RC3H2: variants seen among roughly 807,000 people sequenced by gnomAD.
RC3H2 encodes the protein ring finger and CCCH-type domains 2, also known as roquin-2.
A neutral mutation model predicts 133.3 loss-of-function variants in RC3H2; 31 were observed. That is an observed-to-expected ratio of 0.23 (90% confidence interval 0.17 to 0.31). RC3H2 has a LOEUF of 0.31. RC3H2 is among the 10% of genes least tolerant of loss of function. RC3H2 has a pLI of 1.00. For synonymous variants in RC3H2, 517 were observed against 502.2 expected, an observed-to-expected ratio of 1.03 and a Z score of -0.40; for missense variants, 1,175 against 1,437.2, an observed-to-expected ratio of 0.82 and a Z score of 2.95.
At chr9:122,851,954 G>A (rs1224573928) in intron 18 of RC3H2, among the ~76,000 whole-genome samples, 8 of 150,802 alleles carry the variant, frequency 5.3e-5, no homozygotes, top group African/African-American at 1.2e-4. Context: ...CTGCCTGGCC[G>A]CCCATCGTCT....
At chr9:122,884,961 C>T (rs896312892) in intron 4 of RC3H2, among the ~76,000 whole-genome samples, 3 of 151,560 alleles carry the variant, frequency 2.0e-5, no homozygotes, top group Non-Finnish European at 2.9e-5. Context: ...AGAATAAAGA[C>T]GACTAAAAAG....
chr9:122,884,280 G>T (rs940997105), intron 4 of RC3H2, among the ~76,000 whole-genome samples: 1 of 151,882 alleles, frequency 6.6e-6, no homozygotes, highest in Non-Finnish European at 1.5e-5. Flanking sequence ...GCAACAATGC[G>T]AGACTCCGTC....
At chr9:122,854,344 T>C in intron 16 of RC3H2, 78 bp from the exon 17 acceptor site, 1 of 1,334,228 alleles carries the variant, frequency 7.5e-7, no homozygotes, top group Non-Finnish European at 1.1e-6. Context: ...ATATGTTTTA[T>C]GTGACAGATC....
chr9:122,900,000 T>C (rs1832594359), intron 1 of RC3H2, among the ~76,000 whole-genome samples: 1 of 151,840 alleles, frequency 6.6e-6, no homozygotes, highest in Non-Finnish European at 1.5e-5. Flanking sequence ...GGTGGGGGAG[T>C]TTCAACCATA....
At chr9:122,866,843 G>C (rs528379187) in intron 9 of RC3H2, among the ~76,000 whole-genome samples, 2 of 152,128 alleles carry the variant, frequency 1.3e-5, no homozygotes, top group Non-Finnish European at 2.9e-5. Context: ...TGGGAAGTGA[G>C]GAGCGTCTCT....
intron 1 of RC3H2, among the ~76,000 whole-genome samples, chr9:122,901,743 C>T (rs1832658711): frequency 6.6e-6 from 1 of 150,586 alleles, no homozygotes; most frequent in Non-Finnish European, 1.5e-5. Flanking sequence ...AAGTGCGCAC[C>T]ACCATGCCCG....
chr9:122,862,891 C>CAAAAA (rs1168612532), intron 10 of RC3H2, among the ~76,000 whole-genome samples: 1 of 48,146 alleles, frequency 2.1e-5, no homozygotes. Context: ...GACTCCATCT[C>CAAAAA]AAAAAAAAAA....
intron 20 of RC3H2, among the ~76,000 whole-genome samples, chr9:122,850,463 T>C (rs867562888): frequency 3.9e-4 from 38 of 97,634 alleles, no homozygotes; most frequent in Middle Eastern, 4.4e-3. Flanking sequence ...TAGATAATTT[T>C]GAGATGGAGT....
At chr9:122,888,463 T>C (rs1832026383) in intron 4 of RC3H2, among the ~76,000 whole-genome samples, 1 of 152,226 alleles carries the variant, frequency 6.6e-6, no homozygotes, top group African/African-American at 2.4e-5. Context: ...GATTCCTCGT[T>C]CTTCTACATA....
chr9:122,901,053 CTCTTA>C (rs1305580404), intron 1 of RC3H2, among the ~76,000 whole-genome samples: 1 of 152,158 alleles, frequency 6.6e-6, no homozygotes, highest in Non-Finnish European at 1.5e-5. Flanking sequence ...CTTTCATTTT[CTCTTA>C]TTAGTCCACC....
intron 5 of RC3H2, 83 bp from the exon 6 acceptor site, chr9:122,880,877 G>A (rs1831587543): frequency 1.0e-6 from 1 of 961,516 alleles, no homozygotes; most frequent in East Asian, 2.5e-5. Flanking sequence ...TTCAGGGAGG[G>A]TGGGGGATAC....
chr9:122,884,722 G>A (rs1304448993), intron 4 of RC3H2, among the ~76,000 whole-genome samples: 2 of 151,688 alleles, frequency 1.3e-5, no homozygotes, highest in Non-Finnish European at 2.9e-5. Context: ...GCATGGTGGC[G>A]TGCATCTGTA....
At position 122,905,322 on chromosome 9, in the gene RC3H2, CCTCCTCCTCCTCA is replaced by C; in HGVS notation, c.-293_-281del. The stretch of plus-strand genomic sequence containing the variant: ...CCTCCCTCCACCTCCGCCTCCTCCT[CCTCCTCCTCCTCA>C]CCACGGAGGCGGACCTGGAGGGATC... On this transcript the variant is annotated 5_prime_UTR_variant, in exon 1 of 21. Transcript: ENST00000357244. 1 of 982,430 alleles carries C rather than the reference CCTCCTCCTCCTCA, an allele frequency of 1.0e-6. No homozygotes were observed. The highest frequency in any genetic ancestry group is 1.2e-6 in the Non-Finnish European group (1 of 826,960). The allele number at this position is 982,430 out of a possible 1,614,324, so 60.9% of individuals were successfully genotyped here. A position where few individuals can be genotyped will look rare whatever the true frequency, so the allele number is the denominator to read the frequency against.
intron 4 of RC3H2, among the ~76,000 whole-genome samples, chr9:122,888,471 A>C (rs1269642794): frequency 1.3e-5 from 2 of 152,202 alleles, no homozygotes; most frequent in African/African-American, 2.4e-5. Context: ...GTTCTTCTAC[A>C]TACTGGTATT....
At chr9:122,858,209 G>T in intron 12 of RC3H2, 116 bp from the exon 13 acceptor site, 1 of 925,546 alleles carries the variant, frequency 1.1e-6, no homozygotes, top group Non-Finnish European at 1.6e-6. Flanking sequence ...ATACAGCAGG[G>T]AAAGTCACCC....
At chr9:122,887,674 C>T (rs563934364) in intron 4 of RC3H2, among the ~76,000 whole-genome samples, 2 of 150,326 alleles carry the variant, frequency 1.3e-5, no homozygotes, top group East Asian at 4.0e-4. Flanking sequence ...TGAGTCCGTA[C>T]TAATATTGCC....
At chr9:122,886,424 A>G (rs991684396) in intron 4 of RC3H2, among the ~76,000 whole-genome samples, 1 of 152,212 alleles carries the variant, frequency 6.6e-6, no homozygotes, top group African/African-American at 2.4e-5. Context: ...TATACCTAGG[A>G]ATAAAACTGC....
chr9:122,871,602 C>T (rs1183321021), intron 9 of RC3H2, among the ~76,000 whole-genome samples: 1 of 151,852 alleles, frequency 6.6e-6, no homozygotes, highest in African/African-American at 2.4e-5. Context: ...GGATTACAGG[C>T]GTGAGCCACT....
intron 4 of RC3H2, among the ~76,000 whole-genome samples, chr9:122,884,840 A>G (rs1202404221): frequency 6.6e-6 from 1 of 151,712 alleles, no homozygotes; most frequent in Non-Finnish European, 1.5e-5. Flanking sequence ...CGACATAGCG[A>G]AAGTCCGTCT....
Sources: allele counts gnomAD v4.1 joint callset (sites outside exome capture counted in the v4.1 genomes callset), GRCh38; gene constraint gnomAD v4.1.1; transcripts MANE v1.5; gene names NCBI Gene and HGNC (gene_info 2026-07-23, HGNC 2026-07-21).